Variants in IHO1 observed in about 807,000 individuals in gnomAD.
IHO1 encodes interactor of HORMAD1 protein 1.
IHO1 carries 13 observed loss-of-function variants against 31.0 expected under a neutral mutation model. That is an observed-to-expected ratio of 0.42 (90% CI 0.27 to 0.67). The LOEUF (loss-of-function observed/expected upper bound fraction) is 0.67. IHO1 is among the 30% of genes least tolerant of loss of function. The pLI, the probability that IHO1 is intolerant of heterozygous loss-of-function variation, is 0.24. For missense variants in IHO1, 599 were observed against 687.5 expected (o/e 0.87, Z 1.44); for synonymous variants, 221 against 248.4 (o/e 0.89, Z 1.04).
intron 6 of IHO1, among the ~76,000 whole-genome samples, chr3:49,246,009 C>A (rs553899020): frequency 6.6e-6 from 1 of 151,356 alleles, no homozygotes; most frequent in South Asian, 2.1e-4. Context: ...TGGTGAAACC[C>A]CATCTCTACT....
intron 1 of IHO1, among the ~76,000 whole-genome samples, chr3:49,210,471 C>T (rs1231272222): frequency 6.6e-6 from 1 of 151,680 alleles, no homozygotes; most frequent in Non-Finnish European, 1.5e-5. Context: ...GATCTTGGCT[C>T]ACTGCAACCT....
intron 1 of IHO1, 162 bp downstream of exon 1, chr3:49,199,735 A>C (rs928677323): frequency 2.7e-5 from 4 of 150,112 alleles, no homozygotes; most frequent in African/African-American, 9.8e-5. Context: ...TTCTTTCCCT[A>C]TGGCGATGGC....
chr3:49,228,339 CAG>C (rs1364816354), intron 2 of IHO1: 2 of 449,210 alleles, frequency 4.5e-6, no homozygotes, highest in Non-Finnish European at 8.9e-6. Context: ...TCCGAAGAGT[CAG>C]GGGTTGTTAG....
At chr3:49,193,655 CA>C (rs71077770), upstream of IHO1, among the ~76,000 whole-genome samples, 141 of 25,012 alleles carry the variant, frequency 5.6e-3, no homozygotes, top group African/African-American at 0.023. Context: ...GAGACTCTAC[CA>C]AAAAAAAAAA....
chr3:49,240,311 C>T (rs1179077202), intron 3 of IHO1, among the ~76,000 whole-genome samples: 2 of 152,172 alleles, frequency 1.3e-5, no homozygotes, highest in Non-Finnish European at 2.9e-5. Flanking sequence ...GCAACCTCCT[C>T]CTTCTGTGTT....
rs1559454727 is a variant in IHO1 at position 49,256,127 on chromosome 3, TC to T, written c.637-3del. 1 of 1,594,550 alleles carries T rather than the reference TC, an allele frequency of 6.3e-7. No individual in the cohort carries two copies. The highest frequency in any genetic ancestry group is 1.1e-5 in the South Asian group (1 of 87,468). On this transcript the variant is annotated splice_polypyrimidine_tract_variant and splice_region_variant and intron_variant, in intron 7 of 7. Coordinates refer to ENST00000452691, the MANE Select transcript of IHO1 (RefSeq NM_001135197.2). This position sits in a 1 kb window ranked among gnomAD's most constrained non-coding sequence, Gnocchi z 4.6. The stretch of plus-strand genomic sequence containing the variant: ...ATCACTGTCTTTCTCACTGCCTCTC[TC>T]CCCAGAGACAAGGAGAGTTTATAGA...
chr3:49,244,101 C>T (rs532781774), intron 4 of IHO1, among the ~76,000 whole-genome samples: 16 of 152,008 alleles, frequency 1.1e-4, no homozygotes, highest in Admixed American at 9.8e-4. Context: ...ATTACAGGTG[C>T]CCACCACCAC....
intron 1 of IHO1, among the ~76,000 whole-genome samples, chr3:49,210,739 C>T (rs2046201197): frequency 6.7e-6 from 1 of 148,838 alleles, no homozygotes. Context: ...CTCTGTCGCC[C>T]CAGGCTGGAG....
chr3:49,205,723 C>G (rs2046127537), intron 1 of IHO1, among the ~76,000 whole-genome samples: 1 of 150,998 alleles, frequency 6.6e-6, no homozygotes. Context: ...CGTCAGCCTC[C>G]TGAGTAGCTG....
In IHO1 at chr3:49,257,305, G is replaced by A. The variant is rs1176653605; in HGVS notation, c.*23G>A. The A allele has an allele frequency of 6.2e-7, 1 of 1,600,330 alleles. No individual in the cohort carries two copies. Reference sequence around the variant, plus strand: ...TGACCAGTCCACAGTTGATTTATTGGTCTCAGCTAGAAAGAGAAATTGCAG... The same window carrying A: ...TGACCAGTCCACAGTTGATTTATTGATCTCAGCTAGAAAGAGAAATTGCAG... On this transcript the variant is annotated 3_prime_UTR_variant, in exon 8 of 8. Coordinates refer to ENST00000452691, the MANE Select transcript of IHO1 (RefSeq NM_001135197.2).
rs1205695015 is a variant in IHO1, at chr3:49,255,500, G to A, written c.636+7G>A. The A allele has an allele frequency of 3.9e-6, 6 of 1,555,302 alleles. No individual in the cohort carries two copies. The South Asian group carries it at 5.8e-5, about 15-fold the overall frequency. On this transcript the variant is annotated splice_region_variant and intron_variant, in intron 7 of 7. Coordinates refer to ENST00000452691, the MANE Select transcript of IHO1 (RefSeq NM_001135197.2). Reference sequence around the variant, plus strand: ...GAAGAAAAGATTTGAAGCTGTAAGTGTAAACCCCAACCTCTTTCTAAGTGT... The same window carrying A: ...GAAGAAAAGATTTGAAGCTGTAAGTATAAACCCCAACCTCTTTCTAAGTGT...
chr3:49,238,357 G>A (rs929577062), intron 3 of IHO1, among the ~76,000 whole-genome samples: 18 of 152,084 alleles, frequency 1.2e-4, no homozygotes, highest in Non-Finnish European at 2.2e-4. Flanking sequence ...GTGCAGTGGT[G>A]CTGTGGCAGG....
intron 1 of IHO1, among the ~76,000 whole-genome samples, chr3:49,201,768 A>C (rs1370778051): frequency 6.6e-6 from 1 of 152,124 alleles, no homozygotes; most frequent in Non-Finnish European, 1.5e-5. Context: ...AATACAAAAA[A>C]TTAGCCAGGT....
intron 2 of IHO1, chr3:49,214,015 T>C (rs1181344368): frequency 1.1e-5 from 4 of 357,480 alleles, no homozygotes; most frequent in African/African-American, 2.1e-5. Context: ...ATACAGACTC[T>C]TCTTCTCTTC....
intron 6 of IHO1, among the ~76,000 whole-genome samples, chr3:49,249,801 G>A (rs2046739043): frequency 6.6e-6 from 1 of 152,142 alleles, no homozygotes; most frequent in Non-Finnish European, 1.5e-5. Flanking sequence ...GTTGGAGGTG[G>A]TCTCATCTTA....
intron 2 of IHO1, among the ~76,000 whole-genome samples, chr3:49,222,147 A>T (rs1423373021): frequency 6.6e-6 from 1 of 152,248 alleles, no homozygotes; most frequent in Non-Finnish European, 1.5e-5. Context: ...TGGTAGTAGC[A>T]TAATGAAGTA....
chr3:49,233,757 G>A (rs1351840207), intron 2 of IHO1, among the ~76,000 whole-genome samples: 2 of 152,204 alleles, frequency 1.3e-5, no homozygotes, highest in Non-Finnish European at 2.9e-5. Context: ...CAAAATCTCT[G>A]CAGCACTGTG....
At chr3:49,245,942 G>A (rs555887975) in intron 6 of IHO1, among the ~76,000 whole-genome samples, 63 of 152,150 alleles carry the variant, frequency 4.1e-4, no homozygotes, top group South Asian at 1.9e-3. Context: ...CTAGCACTTT[G>A]GGAGGCCGAG....
chr3:49,222,466 A>T (rs1388031183), intron 2 of IHO1, among the ~76,000 whole-genome samples: 1 of 152,158 alleles, frequency 6.6e-6, no homozygotes. Flanking sequence ...ATCCAGTCTG[A>T]GTTAAAGGTG....
Sources: allele counts gnomAD v4.1 joint callset (sites outside exome capture counted in the v4.1 genomes callset), GRCh38; gene constraint gnomAD v4.1.1; non-coding constraint Gnocchi (gnomAD v3.1); transcripts MANE v1.5; gene names NCBI Gene and HGNC (gene_info 2026-07-23, HGNC 2026-07-21).